The following AMZ1 variants were observed in gnomAD, a reference collection of about 807,000 sequenced individuals.
The protein encoded by AMZ1 is archaemetzincin-1.
AMZ1 carries 39 observed loss-of-function variants against 29.9 expected under a neutral mutation model. The observed-to-expected ratio is 1.30, with a 90% CI of 1.01 to 1.70. The LOEUF (loss-of-function observed/expected upper bound fraction) is 1.70, where lower values mean the gene tolerates loss of function less well. Ranked by LOEUF, AMZ1 falls within the 40% of genes most tolerant of loss-of-function variation. The probability of loss-of-function intolerance (pLI) is 0.00; values close to 1 mark genes in which losing one functional copy is unlikely to be tolerated. For missense variants in AMZ1, 1,041 were observed against 680.6 expected (o/e 1.53, Z -5.89); for synonymous variants, 458 against 304.0 (o/e 1.51, Z -5.27).
At chr7:2,686,585 A>G (rs1461235921), upstream of AMZ1, among the ~76,000 whole-genome samples, 4 of 152,130 alleles carry the variant, frequency 2.6e-5, no homozygotes, top group East Asian at 2.0e-4. Context: ...GGCGATCAGA[A>G]GGATGTCTGA....
At chr7:2,746,084 C>A (rs1379343052) in intron 4 of AMZ1, among the ~76,000 whole-genome samples, 1 of 152,126 alleles carries the variant, frequency 6.6e-6, no homozygotes, top group Non-Finnish European at 1.5e-5. Flanking sequence ...GACTTTAACA[C>A]CCCACTGTCA....
chr7:2,751,223 A>G (rs1791018895), intron 4 of AMZ1, among the ~76,000 whole-genome samples: 1 of 152,008 alleles, frequency 6.6e-6, no homozygotes, highest in South Asian at 2.1e-4. Context: ...ATCTTCTCAA[A>G]AAAAACCCCA....
rs549553581 is a variant in AMZ1, at chr7:2,714,814, G to A, written c.*1936G>A. 2 of 152,264 alleles carry A rather than the reference G, an allele frequency of 1.3e-5. No homozygotes were observed. The highest frequency in any genetic ancestry group is 2.9e-5 in the Non-Finnish European group (2 of 68,016). The allele number at this position is 152,264 out of a possible 1,614,324, so 9.4% of individuals were successfully genotyped here. A position where few individuals can be genotyped will look rare whatever the true frequency, so the allele number is the denominator to read the frequency against. On this transcript the variant is annotated 3_prime_UTR_variant, in exon 7 of 7. Transcript: ENST00000683327. Reference sequence around the variant, plus strand: ...TCCATGGAGGAGGGGCATCTTCTTAGGAAGGCAGCTGCCATACCGTGAGGA... The same window carrying A: ...TCCATGGAGGAGGGGCATCTTCTTAAGAAGGCAGCTGCCATACCGTGAGGA...
At chr7:2,738,224 G>T (rs935008470) in intron 4 of AMZ1, among the ~76,000 whole-genome samples, 1 of 152,050 alleles carries the variant, frequency 6.6e-6, no homozygotes, top group South Asian at 2.1e-4. Context: ...AGACAAGCCT[G>T]GCCAACATGG....
chr7:2,701,288 G>A (rs765602327), intron 2 of AMZ1, among the ~76,000 whole-genome samples: 10 of 152,276 alleles, frequency 6.6e-5, no homozygotes, highest in South Asian at 6.2e-4. Flanking sequence ...CCATTTCGCC[G>A]GCAAGGAGAT....
Position 2,731,131 on chromosome 7 carries a change from C to T in AMZ1, n.550+21315C>T, listed in dbSNP as rs1280369764. ...GACAACACACACCCAAGAGTCTGACCGACAGCCGTGGGGGCTGCTCAACGA... is the reference window on the plus strand; with the variant it reads ...GACAACACACACCCAAGAGTCTGACTGACAGCCGTGGGGGCTGCTCAACGA... On this transcript the variant is annotated intron_variant and non_coding_transcript_variant, in intron 4 of 4. Coordinates refer to the AMZ1 transcript ENST00000489665. This position sits in a 1 kb window ranked among gnomAD's most constrained non-coding sequence, Gnocchi z 6.0. 8.6e-6 allele frequency: 11 copies of T among 1,285,722 alleles called. No homozygotes were observed. Among genetic ancestry groups the T allele is most frequent in the African/African-American group, 4.4e-5 (3 of 68,378 alleles). The allele number at this position is 1,285,722 out of a possible 1,614,324, so 79.6% of individuals were successfully genotyped here. A position where few individuals can be genotyped will look rare whatever the true frequency, so the allele number is the denominator to read the frequency against.
intron 4 of AMZ1, among the ~76,000 whole-genome samples, chr7:2,746,257 C>CAA (rs1790758260): frequency 6.6e-6 from 1 of 152,112 alleles, no homozygotes; most frequent in Admixed American, 6.6e-5. Flanking sequence ...CAAAATTGAC[C>CAA]ACTTGATAGT....
At chr7:2,722,405 C>T (rs1165278087), downstream of AMZ1, among the ~76,000 whole-genome samples, 8 of 151,898 alleles carry the variant, frequency 5.3e-5, no homozygotes, top group African/African-American at 1.2e-4. Context: ...CCCAAGTAGC[C>T]GGGACTACAG....
At chr7:2,750,086 A>G (rs1790955929) in intron 4 of AMZ1, among the ~76,000 whole-genome samples, 1 of 152,240 alleles carries the variant, frequency 6.6e-6, no homozygotes, top group Admixed American at 6.5e-5. Flanking sequence ...AGAAACTCAT[A>G]GCAAGGATGC....
intron 4 of AMZ1, among the ~76,000 whole-genome samples, chr7:2,755,261 A>G (rs1175656512): frequency 6.6e-6 from 1 of 152,156 alleles, no homozygotes; most frequent in African/African-American, 2.4e-5. Context: ...TTCCGCATAC[A>G]TTTTACAATA....
At chr7:2,757,198 C>G (rs1436424388) in intron 4 of AMZ1, among the ~76,000 whole-genome samples, 1 of 137,190 alleles carries the variant, frequency 7.3e-6, no homozygotes, top group Non-Finnish European at 1.5e-5. Context: ...TGTAGTGGCA[C>G]GATCTTGGCT....
rs986259907 is a variant in AMZ1 at position 2,718,418 on chromosome 7, C to G, written c.*5540C>G. On this transcript the variant is annotated 3_prime_UTR_variant, in exon 7 of 7. Coordinates refer to ENST00000683327, the MANE Select transcript of AMZ1 (RefSeq NM_001384743.1). ...ATCTCCCGTTCAAGGGCCCTCACCG[C>G]GCTTTGTGAGTCTGTCTCGTGGGCC... 1.3e-5 allele frequency among the ~76,000 whole-genome samples: 2 copies of G among 152,224 alleles called. No homozygotes were observed. The highest frequency in any genetic ancestry group is 4.8e-5 in the African/African-American group (2 of 41,458).
In AMZ1 at chr7:2,712,352, C is replaced by A. The variant is rs540824052; in HGVS notation, c.971C>A (p.Ala324Glu). The A allele has an allele frequency of 3.8e-6, 6 of 1,595,226 alleles. No individual in the cohort carries two copies. Among genetic ancestry groups the A allele is most frequent in the South Asian group, 1.1e-5 (1 of 87,890 alleles). Residue 324 changes from alanine (A) to glutamate (E), a missense_variant, in exon 7 of 7, where the codon GCG becomes GAG. By Grantham distance (107) the Ala-to-Glu change is moderately radical. Transcript: ENST00000683327. ...TAGAGACTCTACACCTGGACTCAGGCGGTGGTGGGGACGTGGCCCAGCCAG... is the reference window on the plus strand; with the variant it reads ...TAGAGACTCTACACCTGGACTCAGGAGGTGGTGGGGACGTGGCCCAGCCAG... The part of the protein sequence containing the change: ...RYQRLYTWTQ[A>E]VVGTWPSQEA...
upstream of AMZ1, chr7:2,762,745 GAA>G: frequency 6.4e-7 from 1 of 1,554,046 alleles, no homozygotes; most frequent in Non-Finnish European, 8.7e-7. Flanking sequence ...CCTCCCGCAG[GAA>G]GTGCACCAGG....
rs145680940 is a variant in AMZ1, at chr7:2,710,437, C to T, written c.948+621C>T. ...ACAACCAGTTATAAGGTGCTCACTGCGTACAGGCACCAGAGCAGTCAATGA... is the reference window on the plus strand; with the variant it reads ...ACAACCAGTTATAAGGTGCTCACTGTGTACAGGCACCAGAGCAGTCAATGA... On this transcript the variant is annotated intron_variant, in intron 6 of 6. Coordinates refer to ENST00000683327, the MANE Select transcript of AMZ1 (RefSeq NM_001384743.1). Among the ~76,000 whole-genome samples, 700 of 152,346 alleles carry T rather than the reference C, an allele frequency of 4.6e-3. 7 individuals are homozygous for T. The highest frequency in any genetic ancestry group is 0.016 in the African/African-American group (659 of 41,586).
rs998577570 is a variant in AMZ1 at position 2,719,490 on chromosome 7, C to T, written c.*6612C>T. On this transcript the variant is annotated 3_prime_UTR_variant, in exon 7 of 7. Transcript: ENST00000683327. ...AACGACTTAGCCCTAATTACATGAG[C>T]TTTGATCACCGCTCGATTGTATGGC... Among the ~76,000 whole-genome samples the T allele has an allele frequency of 7.9e-5, 12 of 152,192 alleles. No homozygotes were observed. Among genetic ancestry groups the T allele is most frequent in the African/African-American group, 2.2e-4 (9 of 41,432 alleles).
chr7:2,739,084 G>A (rs145571412), intron 4 of AMZ1, among the ~76,000 whole-genome samples: 140 of 152,316 alleles, frequency 9.2e-4, no homozygotes, highest in African/African-American at 3.3e-3. Flanking sequence ...TGTCCTCGGC[G>A]TGTGCAGGGT....
chr7:2,685,815 T>C (rs1583132981), upstream of AMZ1, among the ~76,000 whole-genome samples: 2 of 138,854 alleles, frequency 1.4e-5, no homozygotes, highest in South Asian at 2.2e-4. Flanking sequence ...ATCACGCCAC[T>C]GCACTCCAGC....
intron 4 of AMZ1, among the ~76,000 whole-genome samples, chr7:2,753,878 T>C (rs1199592416): frequency 6.6e-6 from 1 of 152,174 alleles, no homozygotes; most frequent in Non-Finnish European, 1.5e-5. Flanking sequence ...ATCTGTTCCT[T>C]TTCAGTAAGG....
Sources: allele counts gnomAD v4.1 joint callset (sites outside exome capture counted in the v4.1 genomes callset), GRCh38; gene constraint gnomAD v4.1.1; non-coding constraint Gnocchi (gnomAD v3.1); transcripts MANE v1.5; gene names NCBI Gene and HGNC (gene_info 2026-07-23, HGNC 2026-07-21).